Variants in RHOXF1 observed in about 807,000 individuals in gnomAD.
RHOXF1 encodes Rhox homeobox family member 1, also known as PEPP subfamily gene 1.
Under a neutral mutation model 9.7 loss-of-function variants are expected in RHOXF1, and 1 was observed. That is an observed-to-expected ratio of 0.10 (90% CI 0.04 to 0.49). The LOEUF is 0.49. Among genes scored for constraint, RHOXF1 ranks in the 20% least tolerant of loss-of-function variants. The pLI is 0.95. For missense variants in RHOXF1, 179 were observed against 168.0 expected (o/e 1.07, Z -0.36); for synonymous variants, 72 against 70.2 (o/e 1.03, Z -0.13).
chrX:120,110,478 G>C (rs782083227), intron 2 of RHOXF1, among the ~76,000 whole-genome samples: 1 of 111,654 alleles, frequency 9.0e-6, no homozygotes, highest in Non-Finnish European at 1.9e-5. Context: ...TACAGCTCCA[G>C]GATCCTGGAC....
upstream of RHOXF1, chrX:120,116,474 G>A (rs1556000692): frequency 4.5e-5 from 5 of 110,880 alleles, no homozygotes; most frequent in South Asian, 7.9e-4. Context: ...TTATTACCCT[G>A]AGGAAAGCTG....
At chrX:120,109,373 A>G (rs2057255057) in intron 2 of RHOXF1, 71 bp from the exon 3 acceptor site, 3 of 586,370 alleles carry the variant, frequency 5.1e-6, no homozygotes, top group Admixed American at 2.5e-5. Context: ...AAAACACAGG[A>G]TGCAACTTTA....
chrX:120,119,151 G>A (rs2057307543), upstream of RHOXF1, among the ~76,000 whole-genome samples: 1 of 112,377 alleles, frequency 8.9e-6, no homozygotes, highest in Admixed American at 9.4e-5. Flanking sequence ...TAGGAAATGT[G>A]AGGCTGCATG....
At chrX:120,113,660 T>A (rs1239446964) in intron 1 of RHOXF1, among the ~76,000 whole-genome samples, 2 of 109,033 alleles carry the variant, frequency 1.8e-5, no homozygotes, top group Non-Finnish European at 3.8e-5. Context: ...GGTTTTGCCA[T>A]GTTGCCCAGG....
chrX:120,111,084 T>C (rs146493762), intron 2 of RHOXF1, among the ~76,000 whole-genome samples: 219 of 112,497 alleles, frequency 1.9e-3, no homozygotes, highest in African/African-American at 6.8e-3. Flanking sequence ...GGGAAATTTA[T>C]GCTGTATAGT....
intron 2 of RHOXF1, among the ~76,000 whole-genome samples, chrX:120,109,974 C>T (rs1422665812): frequency 8.9e-6 from 1 of 111,767 alleles, no homozygotes; most frequent in East Asian, 2.8e-4. Flanking sequence ...TTTGTTAATT[C>T]AATGCCTGGC....
intron 2 of RHOXF1, among the ~76,000 whole-genome samples, chrX:120,109,987 C>A (rs1555999580): frequency 8.9e-6 from 1 of 111,964 alleles, no homozygotes; most frequent in Non-Finnish European, 1.9e-5. Flanking sequence ...TGCCTGGCAA[C>A]AGGGTAACAA....
At chrX:120,118,076 C>G (rs1252081814), upstream of RHOXF1, among the ~76,000 whole-genome samples, 1 of 112,241 alleles carries the variant, frequency 8.9e-6, no homozygotes, top group Non-Finnish European at 1.9e-5. Flanking sequence ...TATTCCAGAG[C>G]TAGTTGAGGG....
chrX:120,113,702 TC>T (rs1220794808), intron 1 of RHOXF1, among the ~76,000 whole-genome samples: 3 of 108,944 alleles, frequency 2.8e-5, no homozygotes, highest in African/African-American at 1.0e-4. Flanking sequence ...CAAGCAACCT[TC>T]CCACCTTGGC....
chrX:120,115,775 C>T lies in RHOXF1; in HGVS notation c.88G>A (p.Ala30Thr). 8.3e-7 allele frequency: 1 copy of T among 1,207,356 alleles called. No homozygotes were observed. Among genetic ancestry groups the T allele is most frequent in the Non-Finnish European group, 1.1e-6 (1 of 894,537 alleles). ...KISPTPQLGA[A>T]SSAEGHVGQG... ...CCAACATGGCCTTCTGCGCTTGATG[C>T]TGCCCCCAGCTGAGGTGTGGGGCTT... The change falls in exon 1 of 3, where the codon GCA (alanine) becomes ACA (threonine). Residue 30 changes from alanine to threonine, a missense_variant. By Grantham distance (58) the Ala-to-Thr change is moderately conservative. Transcript: ENST00000217999.
chrX:120,109,675 C>T (rs2057256837), intron 2 of RHOXF1, among the ~76,000 whole-genome samples: 1 of 109,416 alleles, frequency 9.1e-6, no homozygotes, highest in African/African-American at 3.3e-5. Context: ...TGACATTGAA[C>T]TTCTGGGCTC....
At chrX:120,116,982 G>A (rs2057299515), upstream of RHOXF1, among the ~76,000 whole-genome samples, 1 of 111,738 alleles carries the variant, frequency 8.9e-6, no homozygotes, top group East Asian at 2.8e-4. Context: ...TCTTGGGATG[G>A]AGATTTGGGA....
rs373236335 is a variant in RHOXF1, at chrX:120,109,219, G to T, written c.528C>A (p.Asp176Glu). The T allele has an allele frequency of 2.4e-5, 28 of 1,190,957 alleles. No homozygotes were observed. In the South Asian group the frequency reaches 2.9e-4, roughly 12 times the overall value. The change falls in exon 3 of 3, where the codon GAC becomes GAA. Residue 176 changes from aspartate to glutamate, a missense_variant. Physicochemically the swap from Asp to Glu is conservative, Grantham distance 45. Coordinates refer to ENST00000217999, the MANE Select transcript of RHOXF1 (RefSeq NM_139282.3). ...AGTCCACGACGATGTAGACACAGTC[G>T]TCTGGGTCAGCACGTAGTTCATTGG... ...MLANELRADPDDCVYIVVD is the reference protein window; with the variant it reads ...MLANELRADPEDCVYIVVD
At position 120,115,833 on chromosome X, in the gene RHOXF1, C is replaced by T. The variant is rs1556000495; in HGVS notation, c.30G>A (p.Val10=). ...CCTGGTATACACTCAGGCAGTAGAA[C>T]ACGGTGTCGTGGACGAGCGAACGCG... MARSLVHDT[V]FYCLSVYQVK... Residue 10 remains valine, a synonymous_variant, in exon 1 of 3, where the codon GTG becomes GTA. Transcript: ENST00000217999. 3 of 1,190,354 alleles carry T rather than the reference C, an allele frequency of 2.5e-6. No individual in the cohort carries two copies. The highest frequency in any genetic ancestry group is 3.4e-6 in the Non-Finnish European group (3 of 889,132).
chrX:120,109,221 C>T lies in RHOXF1; in HGVS notation c.526G>A (p.Asp176Asn), dbSNP rs782819273. ...TCCACGACGATGTAGACACAGTCGT[C>T]TGGGTCAGCACGTAGTTCATTGGCG... ...MLANELRADP[D>N]DCVYIVVD Residue 176 changes from aspartate to asparagine, a missense_variant, in exon 3 of 3, where the codon GAC becomes AAC. Asp to Asn is a conservative substitution (Grantham distance 23). Transcript: ENST00000217999. The T allele has an allele frequency of 1.4e-4, 162 of 1,192,821 alleles. No homozygotes were observed. Among genetic ancestry groups the T allele is most frequent in the Non-Finnish European group, 1.8e-4 (160 of 881,991 alleles).
intron 2 of RHOXF1, among the ~76,000 whole-genome samples, chrX:120,111,437 A>C (rs782742061): frequency 9.1e-4 from 102 of 112,067 alleles, no homozygotes; most frequent in Non-Finnish European, 1.5e-3. Context: ...TGCACTCTGC[A>C]TAAAAGCTAA....
At chrX:120,115,126 G>A (rs1205097961) in intron 1 of RHOXF1, among the ~76,000 whole-genome samples, 2 of 111,285 alleles carry the variant, frequency 1.8e-5, no homozygotes, top group Non-Finnish European at 3.8e-5. Context: ...AAGATGAGAA[G>A]AATTCTAGAG....
At chrX:120,118,436 G>A (rs1267454104), upstream of RHOXF1, among the ~76,000 whole-genome samples, 1 of 111,117 alleles carries the variant, frequency 9.0e-6, no homozygotes, top group Admixed American at 9.5e-5. Flanking sequence ...GTTTATAATT[G>A]CATTCCCAAA....
chrX:120,110,088 G>C (rs1235008223), intron 2 of RHOXF1, among the ~76,000 whole-genome samples: 1 of 111,660 alleles, frequency 9.0e-6, no homozygotes, highest in African/African-American at 3.3e-5. Flanking sequence ...TGTGGGAGAA[G>C]TTCGGCATGG....
Sources: gnomAD v4.1 joint callset for allele counts (sites outside exome capture counted in the v4.1 genomes callset) on GRCh38, gnomAD v4.1.1 for gene constraint, MANE v1.5 for transcripts, NCBI Gene and HGNC (gene_info 2026-07-23, HGNC 2026-07-21) for gene names.